The following E2F7 variants were observed in gnomAD, a reference collection of about 807,000 sequenced individuals.
E2F7 encodes transcription factor E2F7.
E2F7 carries 35 observed loss-of-function variants against 81.1 expected under a neutral mutation model. The observed-to-expected ratio is 0.43, with a 90% CI of 0.33 to 0.57. E2F7 has a LOEUF of 0.57. Among genes scored for constraint, E2F7 ranks in the 20% least tolerant of loss-of-function variants. The probability of loss-of-function intolerance (pLI) is 0.04; values close to 1 mark genes in which losing one functional copy is unlikely to be tolerated. For synonymous variants in E2F7, 416 were observed against 416.2 expected (o/e 1.00, Z 0.01); for missense variants, 961 against 1,093.7 (o/e 0.88, Z 1.71).
chr12:77,030,018 G>A lies in E2F7; in HGVS notation c.1697C>T (p.Ala566Val), dbSNP rs760545846. 7 of 1,614,138 alleles carry A rather than the reference G, an allele frequency of 4.3e-6. No homozygotes were observed. The highest frequency in any genetic ancestry group is 1.3e-5 in the African/African-American group (1 of 75,028). Reference sequence around the variant, plus strand: ...ATCCCTCTCTGACCCTGACCCTGACGCTGGTCCCTCCTGCAGACTTCCATA... The same window carrying A: ...ATCCCTCTCTGACCCTGACCCTGACACTGGTCCCTCCTGCAGACTTCCATA... ...MLYGSLQEGP[A>V]SGSGSERDDR... Residue 566 changes from alanine (A) to valine (V), a missense_variant, in exon 10 of 13, where the codon GCG (alanine) becomes GTG (valine). Coordinates refer to ENST00000322886, the MANE Select transcript of E2F7 (RefSeq NM_203394.3).
chr12:77,064,095 G>A (rs1955099006), intron 2 of E2F7, among the ~76,000 whole-genome samples: 1 of 152,184 alleles, frequency 6.6e-6, no homozygotes, highest in Non-Finnish European at 1.5e-5. Flanking sequence ...GTAGGCACAG[G>A]TCTACTCTTG....
chr12:77,046,275 G>C lies in E2F7; in HGVS notation c.592C>G (p.Leu198Val), dbSNP rs757299389. The change falls in exon 5 of 13, where the codon CTG (leucine) becomes GTG (valine). Residue 198 changes from leucine (L) to valine (V), a missense_variant. Physicochemically the swap from Leu to Val is conservative, Grantham distance 32. Coordinates refer to ENST00000322886, the MANE Select transcript of E2F7 (RefSeq NM_203394.3). ...DIVNVLESLHLVSRVAKNQYG... is the reference protein window; with the variant it reads ...DIVNVLESLHVVSRVAKNQYG... ...TGATTCTTAGCCACCCGGCTGACCA[G>C]ATGCAGCGACTCCAGCACATTTACA... is the stretch of plus-strand genomic sequence containing the variant. The C allele has an allele frequency of 2.5e-6, 4 of 1,614,174 alleles. No homozygotes were observed. The highest frequency in any genetic ancestry group is 2.2e-5 in the South Asian group (2 of 91,088).
In E2F7 at chr12:77,046,088, T is replaced by C. The variant is rs771745870; in HGVS notation, c.779A>G (p.Asp260Gly). ...ATCCAGTAACTGTTGTTCCTGGGAA[T>C]CTGGATCACCATCTTTTTTACGTTC... ...FGERKKDGDP[D>G]SQEQQLLDFS... Residue 260 changes from aspartate (D) to glycine (G), a missense_variant, in exon 5 of 13, where the codon GAT becomes GGT. This residue lies in a region of E2F7 where 301 missense variants were observed against 405.0 expected (regional missense o/e 0.74). Transcript: ENST00000322886. The C allele has an allele frequency of 6.2e-7, 1 of 1,614,238 alleles. No homozygotes were observed. The highest frequency in any genetic ancestry group is 8.5e-7 in the Non-Finnish European group (1 of 1,180,048).
intron 3 of E2F7, 111 bp from the exon 4 acceptor site, chr12:77,050,855 C>A: frequency 9.8e-7 from 1 of 1,017,204 alleles, no homozygotes; most frequent in Non-Finnish European, 1.4e-6. Context: ...TCCATACCAT[C>A]CTAGATTCTA....
intron 2 of E2F7, among the ~76,000 whole-genome samples, chr12:77,059,094 C>T (rs902999579): frequency 6.6e-6 from 1 of 152,104 alleles, no homozygotes; most frequent in East Asian, 1.9e-4. Flanking sequence ...GTTACTTTAG[C>T]GAGGGAGCAA....
chr12:77,029,581 A>G (rs1954787186), intron 10 of E2F7, among the ~76,000 whole-genome samples: 2 of 152,070 alleles, frequency 1.3e-5, no homozygotes, highest in South Asian at 4.1e-4. Context: ...ATGTGGTGGG[A>G]TTCTGGGTAA....
Position 77,033,153 on chromosome 12 carries a change from T to A in E2F7, c.1310-31A>T, listed in dbSNP as rs1453407742. 4.4e-6 allele frequency: 7 copies of A among 1,596,228 alleles called. No individual in the cohort carries two copies. In the East Asian group the frequency reaches 1.6e-4, roughly 36 times the overall value. On this transcript the variant is annotated intron_variant, in intron 8 of 12. Coordinates refer to ENST00000322886, the MANE Select transcript of E2F7 (RefSeq NM_203394.3). Reference sequence around the variant, plus strand: ...AAGGAAGATGAAGGCTTAACAAATATAGCAAGAGACTTATACATACCAACT... The same window carrying A: ...AAGGAAGATGAAGGCTTAACAAATAAAGCAAGAGACTTATACATACCAACT...
Position 77,025,747 on chromosome 12 carries a change from G to A in E2F7, c.2376C>T (p.Ala792=). 1 of 1,614,136 alleles carries A rather than the reference G, an allele frequency of 6.2e-7. No homozygotes were observed. The highest frequency in any genetic ancestry group is 8.5e-7 in the Non-Finnish European group (1 of 1,180,034). ...CAGCTGTGGGGCCGACGAGAAGCTG[G>A]GCTATTGATCCAAGGCCAGGCAAGC... The part of the protein sequence containing the change: ...NFSLPGLGSI[A]QLLVGPTAVV... The change falls in exon 12 of 13, where the codon GCC becomes GCT. Residue 792 remains alanine, a synonymous_variant. Transcript: ENST00000322886.
chr12:77,033,255 CAAAGA>C (rs1954820695), intron 8 of E2F7, 133 bp from the exon 9 acceptor site: 2 of 813,256 alleles, frequency 2.5e-6, no homozygotes, highest in Non-Finnish European at 3.6e-6. Flanking sequence ...GGTTTTGATT[CAAAGA>C]GAAATTTTCA....
chr12:77,033,429 T>C (rs973755919), intron 8 of E2F7, among the ~76,000 whole-genome samples: 1 of 152,108 alleles, frequency 6.6e-6, no homozygotes, highest in Non-Finnish European at 1.5e-5. Context: ...GGAGGACTCT[T>C]TAAGTCTGAG....
chr12:77,036,228 A>G (rs1354131729), intron 7 of E2F7, among the ~76,000 whole-genome samples: 1 of 152,234 alleles, frequency 6.6e-6, no homozygotes, highest in Non-Finnish European at 1.5e-5. Flanking sequence ...CAAGTCATAC[A>G]TCATCAAATC....
At chr12:77,050,835 G>C (rs1592564357) in intron 3 of E2F7, 91 bp from the exon 4 acceptor site, 1 of 1,318,910 alleles carries the variant, frequency 7.6e-7, no homozygotes, top group Non-Finnish European at 1.1e-6. Context: ...AAACTGGGGG[G>C]ACATCTCAAT....
intron 1 of E2F7, 111 bp from the exon 2 acceptor site, chr12:77,064,746 C>G (rs1320238301): frequency 9.0e-6 from 8 of 892,142 alleles, no homozygotes; most frequent in Non-Finnish European, 1.4e-5. Flanking sequence ...TCCCCCTTCT[C>G]TAAGCACATC....
rs757224845 is a variant in E2F7 at position 77,050,761 on chromosome 12, G to T, written c.370-17C>A. On this transcript the variant is annotated splice_polypyrimidine_tract_variant and intron_variant, in intron 3 of 12. Transcript: ENST00000322886. Reference sequence around the variant, plus strand: ...AACATCAAGCTACAGAGGGCAGATAGAAGGGAGGGGGAAGATGTCACAGTT... The same window carrying T: ...AACATCAAGCTACAGAGGGCAGATATAAGGGAGGGGGAAGATGTCACAGTT... 2.5e-6 allele frequency: 4 copies of T among 1,608,550 alleles called. No individual in the cohort carries two copies. The highest frequency in any genetic ancestry group is 3.4e-6 in the Non-Finnish European group (4 of 1,176,758).
At position 77,025,995 on chromosome 12, in the gene E2F7, C is replaced by G. The variant is rs755058468; in HGVS notation, c.2141-13G>C. The G allele has an allele frequency of 1.3e-6, 2 of 1,593,176 alleles. No homozygotes were observed. Among genetic ancestry groups the G allele is most frequent in the Non-Finnish European group, 1.7e-6 (2 of 1,169,470 alleles). ...AAACCATTTAATCCTGAAAGAAAAG[C>G]AGAACAGGCGAAAATCAATATATGT... On this transcript the variant is annotated splice_polypyrimidine_tract_variant and intron_variant, in intron 11 of 12. Transcript: ENST00000322886.
intron 2 of E2F7, among the ~76,000 whole-genome samples, chr12:77,062,286 GA>G (rs1288383682): frequency 6.6e-6 from 1 of 152,220 alleles, no homozygotes; most frequent in East Asian, 1.9e-4. Context: ...CCAGCATCTG[GA>G]ACAAAAATAT....
Position 77,056,054 on chromosome 12 carries a change from T to G in E2F7, c.170A>C (p.Gln57Pro). The G allele has an allele frequency of 6.2e-7, 1 of 1,614,170 alleles. No homozygotes were observed. Among genetic ancestry groups the G allele is most frequent in the Non-Finnish European group, 8.5e-7 (1 of 1,180,008 alleles). Residue 57 changes from glutamine to proline, a missense_variant, in exon 3 of 13, where the codon CAA (glutamine) becomes CCA (proline). Around this residue, in one of 3 missense-constraint regions of E2F7, gnomAD observed 73 missense variants for 68.4 expected, o/e 1.07. Transcript: ENST00000322886. ...ATTTCTTTCTGGAGTAAATTTTTTT[T>G]GCTTCGATAAATCAATTGGTTCATT... is the stretch of plus-strand genomic sequence containing the variant. ...IKNEPIDLSK[Q>P]KKFTPERNPI...
Position 77,025,696 on chromosome 12 carries a change from G to A in E2F7, c.2427C>T (p.Leu809=), listed in dbSNP as rs1954751795. The A allele has an allele frequency of 5.6e-6, 9 of 1,614,074 alleles. No homozygotes were observed. The highest frequency in any genetic ancestry group is 7.6e-6 in the Non-Finnish European group (9 of 1,180,052). Residue 809 remains leucine, a synonymous_variant, in exon 12 of 13, where the codon CTC becomes CTT. Transcript: ENST00000322886. ...TAVVNPKSST[L]PSADPQLQSQ... is the part of the protein sequence containing the mutation. The stretch of plus-strand genomic sequence containing the variant: ...TCTGAAGCTGAGGGTCTGCAGAAGG[G>A]AGTGTGGACGACTTTGGATTAACCA...
intron 3 of E2F7, among the ~76,000 whole-genome samples, chr12:77,053,158 C>T (rs1955003865): frequency 6.6e-6 from 1 of 152,026 alleles, no homozygotes; most frequent in Non-Finnish European, 1.5e-5. Context: ...GGTATGTACC[C>T]AAAACAGTAG....
Sources: gnomAD v4.1 joint callset for allele counts (sites outside exome capture counted in the v4.1 genomes callset) on GRCh38, gnomAD v4.1.1 for gene constraint, gnomAD v4.1.1 regional missense constraint, MANE v1.5 for transcripts, NCBI Gene and HGNC (gene_info 2026-07-23, HGNC 2026-07-21) for gene names.